Variants in CLYBL observed in about 807,000 individuals in gnomAD.
The protein encoded by CLYBL is citramalyl-CoA lyase.
In CLYBL, 31 loss-of-function variants were observed where a neutral mutation model predicts 38.9. The observed-to-expected ratio is 0.80, with a 90% CI of 0.60 to 1.08. The LOEUF (loss-of-function observed/expected upper bound fraction) is 1.08. Among genes scored for constraint, CLYBL ranks in the 50% least tolerant of loss-of-function variants. The pLI is 0.00. For missense variants in CLYBL, 434 were observed against 411.6 expected, an observed-to-expected ratio of 1.05 and a Z score of -0.47; for synonymous variants, 171 against 158.6, an observed-to-expected ratio of 1.08 and a Z score of -0.59.
At chr13:99,832,076 T>G (rs2050815647) in intron 2 of CLYBL, among the ~76,000 whole-genome samples, 1 of 152,264 alleles carries the variant, frequency 6.6e-6, no homozygotes, top group Non-Finnish European at 1.5e-5. Context: ...CAGTCGAGGA[T>G]GAATAGCTTA....
At chr13:99,905,283 G>A (rs927431076) in exon 9 of CLYBL, among the ~76,000 whole-genome samples, 5 of 152,224 alleles carry the variant, frequency 3.3e-5, no homozygotes, top group Non-Finnish European at 7.3e-5. Flanking sequence ...ATGCTGAGCT[G>A]CAATGACCAT....
downstream of CLYBL, among the ~76,000 whole-genome samples, chr13:99,898,968 T>C (rs941863683): frequency 6.6e-6 from 1 of 152,322 alleles, no homozygotes; most frequent in East Asian, 1.9e-4. Context: ...GGAAAATGTA[T>C]TCATTAAAAT....
At chr13:99,634,665 T>G (rs1475890408) in intron 1 of CLYBL, among the ~76,000 whole-genome samples, 3 of 86,746 alleles carry the variant, frequency 3.5e-5, no homozygotes, top group Non-Finnish European at 9.0e-5. Context: ...TATTACTTAT[T>G]TTTTTAAATA....
At chr13:99,652,288 G>A (rs535282502) in intron 1 of CLYBL, among the ~76,000 whole-genome samples, 4 of 152,276 alleles carry the variant, frequency 2.6e-5, no homozygotes, top group Admixed American at 2.6e-4. Context: ...GTGTGTTTTG[G>A]GATAGTCAAC....
chr13:99,786,677 G>A (rs1488832192), intron 2 of CLYBL, among the ~76,000 whole-genome samples: 1 of 152,204 alleles, frequency 6.6e-6, no homozygotes, highest in Non-Finnish European at 1.5e-5. Flanking sequence ...ACGTGTACAT[G>A]TGTCTTTGTA....
intron 2 of CLYBL, among the ~76,000 whole-genome samples, chr13:99,853,113 A>G (rs7327909): frequency 0.67 from 101,101 of 151,100 alleles, 34,221 homozygotes; most frequent in East Asian, 0.77. Flanking sequence ...ACTCAAAGCC[A>G]TTGTTCTAAC....
At chr13:99,894,625 C>T (rs945636173), downstream of CLYBL, 1 of 150,834 alleles carries the variant, frequency 6.6e-6, no homozygotes, top group African/African-American at 2.4e-5. Flanking sequence ...TGCAAAGCCC[C>T]GTCACGGGAA....
intron 1 of CLYBL, among the ~76,000 whole-genome samples, chr13:99,642,839 G>T (rs1047743179): frequency 6.6e-6 from 1 of 151,590 alleles, no homozygotes; most frequent in East Asian, 1.9e-4. Flanking sequence ...GCTCACTGCA[G>T]CCTTAACCTC....
At chr13:99,655,507 C>G (rs755567730) in intron 1 of CLYBL, among the ~76,000 whole-genome samples, 11 of 152,230 alleles carry the variant, frequency 7.2e-5, no homozygotes, top group Non-Finnish European at 1.6e-4. Flanking sequence ...TCAGTGGGCT[C>G]TGGCCTTTCT....
At chr13:99,687,156 T>C (rs1318842219) in intron 1 of CLYBL, among the ~76,000 whole-genome samples, 7 of 152,134 alleles carry the variant, frequency 4.6e-5, no homozygotes, top group Non-Finnish European at 8.8e-5. Context: ...TCAATCTCAA[T>C]AGGCTGGTGT....
chr13:99,891,393 A>G lies in CLYBL; in HGVS notation c.1003A>G (p.Thr335Ala). The change falls in exon 8 of 9, where the codon ACC (threonine) becomes GCC (alanine). Residue 335 changes from threonine to alanine, a missense_variant. Transcript: ENST00000339105. ...KQAQNTVTLATSIKEK is the reference protein window; with the variant it reads ...KQAQNTVTLAASIKEK ...GGCCCAGAACACTGTTACGCTTGCC[A>G]CCTCCATCAAGGAAAAATGATCTGT... 6.2e-7 allele frequency: 1 copy of G among 1,613,326 alleles called. No homozygotes were observed. The highest frequency in any genetic ancestry group is 1.1e-5 in the South Asian group (1 of 91,066).
chr13:99,693,262 C>T (rs1216437455), intron 1 of CLYBL, among the ~76,000 whole-genome samples: 1 of 152,126 alleles, frequency 6.6e-6, no homozygotes, highest in East Asian at 1.9e-4. Context: ...CCTTCTTCAT[C>T]TTTGTATCCC....
At chr13:99,777,042 G>C (rs1324294683) in intron 2 of CLYBL, among the ~76,000 whole-genome samples, 1 of 151,940 alleles carries the variant, frequency 6.6e-6, no homozygotes, top group African/African-American at 2.4e-5. Context: ...ACCGTGGCTG[G>C]CTAATTTTGT....
At chr13:99,758,177 G>A (rs924260653) in intron 1 of CLYBL, among the ~76,000 whole-genome samples, 2 of 152,204 alleles carry the variant, frequency 1.3e-5, no homozygotes, top group Non-Finnish European at 2.9e-5. Context: ...AGCTCCCCAG[G>A]TGACTATTAT....
At chr13:99,658,645 G>A (rs1302880598) in intron 1 of CLYBL, among the ~76,000 whole-genome samples, 1 of 152,192 alleles carries the variant, frequency 6.6e-6, no homozygotes, top group Non-Finnish European at 1.5e-5. Context: ...CAAGGAGGTG[G>A]GGTGGGGAGG....
chr13:99,845,213 C>T (rs758550232), intron 2 of CLYBL, among the ~76,000 whole-genome samples: 5 of 152,130 alleles, frequency 3.3e-5, no homozygotes, highest in Admixed American at 6.5e-5. Flanking sequence ...TTAGAGAAGC[C>T]GTTGAACGTC....
At chr13:99,660,744 A>G (rs2047396943) in intron 1 of CLYBL, among the ~76,000 whole-genome samples, 3 of 152,148 alleles carry the variant, frequency 2.0e-5, no homozygotes, top group African/African-American at 7.2e-5. Context: ...GTAATTTCTC[A>G]TGGTTTTAAA....
intron 1 of CLYBL, among the ~76,000 whole-genome samples, chr13:99,717,786 G>A (rs1231589717): frequency 6.6e-6 from 1 of 151,998 alleles, no homozygotes; most frequent in African/African-American, 2.4e-5. Context: ...TTTCTTAAAG[G>A]CTTTTGTTAA....
chr13:99,666,814 A>G (rs2047488652), intron 1 of CLYBL, among the ~76,000 whole-genome samples: 1 of 152,214 alleles, frequency 6.6e-6, no homozygotes, highest in Non-Finnish European at 1.5e-5. Flanking sequence ...GAGATGGACA[A>G]ACCCACCTAT....
Sources: gnomAD v4.1 joint callset for allele counts (sites outside exome capture counted in the v4.1 genomes callset) on GRCh38, gnomAD v4.1.1 for gene constraint, MANE v1.5 for transcripts, NCBI Gene and HGNC (gene_info 2026-07-23, HGNC 2026-07-21) for gene names.